TTN: variants seen among roughly 807,000 people sequenced by gnomAD.
TTN encodes the protein titin.
A neutral mutation model predicts 3,223.0 loss-of-function variants in TTN; 1,525 were observed. The observed-to-expected ratio is 0.47, with a 90% CI of 0.45 to 0.49. The LOEUF is 0.49. Among genes scored for constraint, TTN ranks in the 20% least tolerant of loss-of-function variants. The probability of loss-of-function intolerance (pLI) is 0.00; values close to 1 mark genes in which losing one functional copy is unlikely to be tolerated. For missense variants in TTN, 40,786 were observed against 43,424.0 expected (o/e 0.94, Z 5.40); for synonymous variants, 14,094 against 15,161.0 (o/e 0.93, Z 5.17).
At position 178,532,489 on chromosome 2, in the gene TTN, C is replaced by T. The variant is rs574420969; in HGVS notation, c.104126G>A (p.Arg34709His). ...GACATGAGCTTGTGGTGAAGAGTAA[C>T]GTAGGCTAGAAAGCTCAAAGTGTGG... ...SPPHFELSSL[R>H]YSSPQAHVKV... is the part of the protein sequence containing the mutation. The change falls in exon 358 of 363, where the codon CGT (arginine) becomes CAT (histidine). Residue 34709 changes from arginine (R) to histidine (H), a missense_variant. Coordinates refer to ENST00000589042, the MANE Select transcript of TTN (RefSeq NM_001267550.2). The T allele has an allele frequency of 1.7e-5, 27 of 1,613,970 alleles. No individual in the cohort carries two copies. The East Asian group carries it at 4.0e-4, about 24-fold the overall frequency.
rs2065414164 is a variant in TTN, at chr2:178,664,175, A to G, written c.36281-77T>C. ...AGATACAAAGACATTTTCAAGAACA[A>G]AAGAGCTATTTTTTTCTCCTGAGCT... is the stretch of plus-strand genomic sequence containing the variant. On this transcript the variant is annotated intron_variant, in intron 168 of 362. Coordinates refer to ENST00000589042, the MANE Select transcript of TTN (RefSeq NM_001267550.2). 3.5e-6 allele frequency: 5 copies of G among 1,411,406 alleles called. No homozygotes were observed. The Admixed American group carries it at 6.7e-5, about 19-fold the overall frequency. 87.4% of individuals were successfully genotyped at this position (1,411,406 alleles called of 1,614,324 possible).
chr2:178,776,745 T>C lies in TTN; in HGVS notation c.5119A>G (p.Lys1707Glu). ...TTAAGTCTTAAGGAAGTGAGTTTTT[T>C]CTTGAAAAATGGTTTCTGTTGTTTC... ...KEKQQKPFFK[K>E]KLTSLRLKRF... is the part of the protein sequence containing the mutation. The change falls in exon 28 of 363, where the codon AAA (lysine) becomes GAA (glutamate). Residue 1707 changes from lysine (K) to glutamate (E), a missense_variant. Physicochemically the swap from Lys to Glu is moderately conservative, Grantham distance 56. Transcript: ENST00000589042. 1 of 1,614,128 alleles carries C rather than the reference T, an allele frequency of 6.2e-7. No homozygotes were observed. Among genetic ancestry groups the C allele is most frequent in the Non-Finnish European group, 8.5e-7 (1 of 1,180,022 alleles).
At position 178,600,917 on chromosome 2, in the gene TTN, T is replaced by G. The variant is rs1425177371; in HGVS notation, c.55987A>C (p.Asn18663His). The change falls in exon 288 of 363, where the codon AAT becomes CAT. Residue 18663 changes from asparagine to histidine, a missense_variant. Physicochemically the swap from Asn to His is moderately conservative, Grantham distance 68. Coordinates refer to ENST00000589042, the MANE Select transcript of TTN (RefSeq NM_001267550.2). Reference protein sequence around the residue: ...GEYEFRVKAVNAAGVSKPSAT... With the variant: ...GEYEFRVKAVHAAGVSKPSAT... Reference sequence around the variant, plus strand: ...GAAGGCTTGCTGACTCCTGCAGCATTGACAGCTTTGACTCGGAATTCATAT... The same window carrying G: ...GAAGGCTTGCTGACTCCTGCAGCATGGACAGCTTTGACTCGGAATTCATAT... 1 of 1,612,984 alleles carries G rather than the reference T, an allele frequency of 6.2e-7. No homozygotes were observed.
intron 47 of TTN, chr2:178,749,387 T>G: frequency 6.2e-7 from 1 of 1,613,184 alleles, no homozygotes. Flanking sequence ...TGAAGCACCA[T>G]GCACAAATCT....
At chr2:178,694,246 C>T (rs1395137332) in intron 117 of TTN, among the ~76,000 whole-genome samples, 1 of 152,132 alleles carries the variant, frequency 6.6e-6, no homozygotes, top group Non-Finnish European at 1.5e-5. Context: ...AACTTCTTCA[C>T]ACACAATGTT....
At position 178,571,333 on chromosome 2, in the gene TTN, G is replaced by T. The variant is rs1251510735; in HGVS notation, c.74799C>A (p.Ile24933=). The T allele has an allele frequency of 6.2e-7, 1 of 1,613,388 alleles. No individual in the cohort carries two copies. Among genetic ancestry groups the T allele is most frequent in the Non-Finnish European group, 8.5e-7 (1 of 1,179,584 alleles). The change falls in exon 326 of 363, where the codon ATC becomes ATA. Residue 24933 remains isoleucine (I), a synonymous_variant. Coordinates refer to ENST00000589042, the MANE Select transcript of TTN (RefSeq NM_001267550.2). The part of the protein sequence containing the change: ...DSMEVQWNEP[I]SDGGSRVIGY... ...CAATGACTCTACTTCCTCCATCACTGATTGGCTCATTCCATTGTACTTCCA... is the reference window on the plus strand; with the variant it reads ...CAATGACTCTACTTCCTCCATCACTTATTGGCTCATTCCATTGTACTTCCA...
Position 178,570,424 on chromosome 2 carries a change from G to T in TTN, c.75708C>A (p.Asp25236Glu). 6.2e-7 allele frequency: 1 copy of T among 1,613,112 alleles called. No individual in the cohort carries two copies. The highest frequency in any genetic ancestry group is 8.5e-7 in the Non-Finnish European group (1 of 1,179,554). The change falls in exon 326 of 363, where the codon GAC (aspartate) becomes GAA (glutamate). Residue 25236 changes from aspartate (D) to glutamate (E), a missense_variant. By Grantham distance (45) the Asp-to-Glu change is conservative (BLOSUM62 2). Coordinates refer to ENST00000589042, the MANE Select transcript of TTN (RefSeq NM_001267550.2). ...WKPPLQDGGS[D>E]IINYIVERRE... The stretch of plus-strand genomic sequence containing the variant: ...TCCTTTCCACAATATAATTTATGAT[G>T]TCACTCCCACCATCCTGAAGTGGGG...
chr2:178,532,719 C>T lies in TTN; in HGVS notation c.103896G>A (p.Val34632=). ...PKLSQDDLEI[V]RPARRRTPSP... ...AAGGTGTACGCCGGCGGGCTGGTCT[C>T]ACTATCTCAAGATCATCTTGGGACA... is the stretch of plus-strand genomic sequence containing the variant. Residue 34632 remains valine, a synonymous_variant, in exon 358 of 363, where the codon GTG becomes GTA. Coordinates refer to ENST00000589042, the MANE Select transcript of TTN (RefSeq NM_001267550.2). The T allele has an allele frequency of 1.2e-6, 2 of 1,613,948 alleles. No individual in the cohort carries two copies. Among genetic ancestry groups the T allele is most frequent in the Non-Finnish European group, 1.7e-6 (2 of 1,179,866 alleles).
At chr2:178,651,638 T>G in intron 206 of TTN, 28 bp downstream of exon 206, 1 of 1,612,624 alleles carries the variant, frequency 6.2e-7, no homozygotes, top group South Asian at 1.1e-5. Flanking sequence ...AAGTTTTTTG[T>G]TAGGGAGTTA....
chr2:178,734,281 C>T (rs2081052454), intron 52 of TTN, 47 bp downstream of exon 52: 1 of 1,503,088 alleles, frequency 6.7e-7, no homozygotes, highest in African/African-American at 1.4e-5. Context: ...GGTAAGAAAG[C>T]TAGTTTGACA....
intron 235 of TTN, 23 bp from the exon 236 acceptor site, chr2:178,632,436 A>G: frequency 1.3e-6 from 2 of 1,575,992 alleles, no homozygotes; most frequent in East Asian, 2.3e-5. Context: ...AAAAGAAAGA[A>G]CTTATTAATT....
At position 178,637,376 on chromosome 2, in the gene TTN, A is replaced by G; in HGVS notation, c.40920T>C (p.Pro13640=). 6.8e-7 allele frequency: 1 copy of G among 1,477,498 alleles called. No individual in the cohort carries two copies. 91.5% of individuals were successfully genotyped at this position (1,477,498 alleles called of 1,614,324 possible). A position where few individuals can be genotyped will look rare whatever the true frequency, so the allele number is the denominator to read the frequency against. The change falls in exon 224 of 363, where the codon CCT becomes CCC. Residue 13640 remains proline (P), a synonymous_variant. Transcript: ENST00000589042. ...TAGAAAAATGAATTTCACCTTTGAT[A>G]GGACCTTTTGGCTTGGCAGCCTCTT... ...PKEEAAKPKG[P]IKGVPKKTPS...
Position 178,644,545 on chromosome 2 carries a change from T to C in TTN, c.40477+3A>G, listed in dbSNP as rs1217313651. The C allele has an allele frequency of 2.5e-6, 4 of 1,573,216 alleles. No homozygotes were observed. The highest frequency in any genetic ancestry group is 1.2e-5 in the South Asian group (1 of 82,422). ...AGTATGTATTTTTCAGCCTGTGAAA[T>C]ACCTTTCAGAGGTGTAAGCTCCACT... On this transcript the variant is annotated splice_donor_region_variant and intron_variant, in intron 218 of 362. Coordinates refer to ENST00000589042, the MANE Select transcript of TTN (RefSeq NM_001267550.2).
Position 178,582,414 on chromosome 2 carries a change from G to A in TTN, c.66042C>T (p.Ser22014=), listed in dbSNP as rs1050906014. 6.2e-7 allele frequency: 1 copy of A among 1,612,940 alleles called. No homozygotes were observed. The highest frequency in any genetic ancestry group is 8.5e-7 in the Non-Finnish European group (1 of 1,179,342). The change falls in exon 314 of 363, where the codon AGC becomes AGT. Residue 22014 remains serine, a synonymous_variant. Coordinates refer to ENST00000589042, the MANE Select transcript of TTN (RefSeq NM_001267550.2). The stretch of plus-strand genomic sequence containing the variant: ...CCTCTATAAGTTTCTCCACGCTGCA[G>A]CTGGTGATAGGCACAGTTGCAGAGA... ...AQVSATVPIT[S]CSVEKLIEGH... is the part of the protein sequence containing the mutation.
rs781287476 is a variant in TTN at position 178,776,755 on chromosome 2, T to C, written c.5109A>G (p.Pro1703=). The C allele has an allele frequency of 2.5e-5, 40 of 1,613,972 alleles. No individual in the cohort carries two copies. Among genetic ancestry groups the C allele is most frequent in the Non-Finnish European group, 3.1e-5 (37 of 1,180,018 alleles). The change falls in exon 28 of 363, where the codon CCA becomes CCG. Residue 1703 remains proline (P), a synonymous_variant. Coordinates refer to ENST00000589042, the MANE Select transcript of TTN (RefSeq NM_001267550.2). The part of the protein sequence containing the change: ...DLYDKEKQQK[P]FFKKKLTSLR... ...AGGAAGTGAGTTTTTTCTTGAAAAATGGTTTCTGTTGTTTCTCTTTGTCAT... is the reference window on the plus strand; with the variant it reads ...AGGAAGTGAGTTTTTTCTTGAAAAACGGTTTCTGTTGTTTCTCTTTGTCAT...
chr2:178,637,146 G>GATATATATATATAT lies in TTN; in HGVS notation c.40927+209_40927+222dup, dbSNP rs61216469. On this transcript the variant is annotated intron_variant, in intron 224 of 362. Coordinates refer to ENST00000589042, the MANE Select transcript of TTN (RefSeq NM_001267550.2). Reference sequence around the variant, plus strand: ...GATTCACTATGCTAAAATATAGTTGGATATATATATATATATATATATATA... The same window carrying GATATATATATATAT: ...GATTCACTATGCTAAAATATAGTTGGATATATATATATATATATATATATATATATATATATATA... 2.8e-3 allele frequency among the ~76,000 whole-genome samples: 137 copies of GATATATATATATAT among 49,168 alleles called. 10 individuals carry two copies. Among genetic ancestry groups the GATATATATATATAT allele is most frequent in the South Asian group, 3.9e-3 (4 of 1,016 alleles). The allele number at this position is 49,168 out of a possible 152,430, so 32.3% of individuals were successfully genotyped here.
At chr2:178,642,115 A>G in intron 219 of TTN, 122 bp downstream of exon 219, 1 of 753,734 alleles carries the variant, frequency 1.3e-6, no homozygotes, top group Non-Finnish European at 1.9e-6. Flanking sequence ...GAAACTACAA[A>G]CAAATTTTGA....
Position 178,538,538 on chromosome 2 carries a change from A to T in TTN, c.99289+2T>A. On this transcript the variant is annotated splice_donor_variant, in intron 354 of 362. Coordinates refer to ENST00000589042, the MANE Select transcript of TTN (RefSeq NM_001267550.2). LOFTEE classifies it high-confidence loss of function. ...ATAAGTAGAGAACCAAAGGCTACTT[A>T]CATGTGAGTTTAGTCTTTATAGACA... The T allele has an allele frequency of 6.2e-7, 1 of 1,604,134 alleles. No homozygotes were observed.
In TTN at chr2:178,587,425, G is replaced by A; in HGVS notation, c.63794-8C>T. 1 of 1,604,716 alleles carries A rather than the reference G, an allele frequency of 6.2e-7. No homozygotes were observed. The highest frequency in any genetic ancestry group is 1.3e-5 in the African/African-American group (1 of 74,632). ...ACACAGGCCCAGGAGTGTCTGTAAA[G>A]AATCATAAAATCAGATATACATGTC... is the stretch of plus-strand genomic sequence containing the variant. On this transcript the variant is annotated splice_polypyrimidine_tract_variant and splice_region_variant and intron_variant, in intron 306 of 362. Transcript: ENST00000589042.
Sources: allele counts gnomAD v4.1 joint callset (sites outside exome capture counted in the v4.1 genomes callset), GRCh38; gene constraint gnomAD v4.1.1; transcripts MANE v1.5; gene names NCBI Gene and HGNC (gene_info 2026-07-23, HGNC 2026-07-21).